The following PDZRN4 variants were observed in gnomAD, a reference collection of about 807,000 sequenced individuals.
PDZRN4 encodes PDZ domain-containing RING finger protein 4.
In PDZRN4, 70 loss-of-function variants were observed where a neutral mutation model predicts 99.0. The ratio of observed to expected loss-of-function variants is 0.71; its 90% CI spans 0.58 to 0.86. The LOEUF is 0.86. Among genes scored for constraint, PDZRN4 ranks in the 40% least tolerant of loss-of-function variants. The pLI is 0.00. For missense variants in PDZRN4, 1,474 were observed against 1,331.2 expected (o/e 1.11, Z -1.67); for synonymous variants, 551 against 501.6 (o/e 1.10, Z -1.32).
chr12:41,321,626 T>C (rs1455972226), intron 3 of PDZRN4, among the ~76,000 whole-genome samples: 1 of 152,232 alleles, frequency 6.6e-6, no homozygotes, highest in Non-Finnish European at 1.5e-5. Flanking sequence ...TTGTAGCATC[T>C]ACTCCTTTGC....
intron 3 of PDZRN4, among the ~76,000 whole-genome samples, chr12:41,504,904 T>G (rs1938178770): frequency 6.6e-6 from 1 of 152,180 alleles, no homozygotes; most frequent in Non-Finnish European, 1.5e-5. Flanking sequence ...GAGCAAGAAC[T>G]GAATTGGGAC....
At chr12:41,447,056 A>AG (rs1330696007) in intron 3 of PDZRN4, among the ~76,000 whole-genome samples, 2 of 152,042 alleles carry the variant, frequency 1.3e-5, no homozygotes, top group Non-Finnish European at 2.9e-5. Flanking sequence ...CACAAAAGTG[A>AG]AGGGGCTTAG....
chr12:41,257,838 G>A (rs1951213735), intron 3 of PDZRN4, among the ~76,000 whole-genome samples: 1 of 152,040 alleles, frequency 6.6e-6, no homozygotes, highest in South Asian at 2.1e-4. Flanking sequence ...GTCTTCCTAT[G>A]AGTGGGACAA....
intron 3 of PDZRN4, among the ~76,000 whole-genome samples, chr12:41,232,631 A>G (rs1337046328): frequency 5.4e-5 from 3 of 56,044 alleles, no homozygotes; most frequent in African/African-American, 1.7e-4. Flanking sequence ...TTGCCTGTTC[A>G]CTCTGATGGT....
At chr12:41,487,418 T>C (rs1937798373) in intron 3 of PDZRN4, among the ~76,000 whole-genome samples, 4 of 152,234 alleles carry the variant, frequency 2.6e-5, no homozygotes, top group African/African-American at 9.6e-5. Context: ...TCTAATTATA[T>C]GTAAATTATA....
At chr12:41,547,541 G>A (rs1270331238) in intron 5 of PDZRN4, among the ~76,000 whole-genome samples, 4 of 152,064 alleles carry the variant, frequency 2.6e-5, no homozygotes, top group Non-Finnish European at 4.4e-5. Context: ...CAGGAGACTC[G>A]CTTGAACCTG....
At chr12:41,520,340 A>G (rs919928543) in intron 5 of PDZRN4, among the ~76,000 whole-genome samples, 1 of 152,034 alleles carries the variant, frequency 6.6e-6, no homozygotes, top group Non-Finnish European at 1.5e-5. Context: ...ACCTTCTTCA[A>G]TATGGCTGAC....
chr12:41,367,469 A>G (rs1952009766), intron 3 of PDZRN4, among the ~76,000 whole-genome samples: 2 of 152,120 alleles, frequency 1.3e-5, no homozygotes, highest in South Asian at 2.1e-4. Context: ...AGATCGTACC[A>G]TTGCACTCCA....
At chr12:41,292,512 C>G (rs73122828) in intron 3 of PDZRN4, among the ~76,000 whole-genome samples, 1 of 151,994 alleles carries the variant, frequency 6.6e-6, no homozygotes, top group African/African-American at 2.4e-5. Flanking sequence ...TTGATTTGAT[C>G]CTTACATTTC....
At chr12:41,267,532 A>G (rs1951286468) in intron 3 of PDZRN4, among the ~76,000 whole-genome samples, 2 of 152,142 alleles carry the variant, frequency 1.3e-5, no homozygotes, top group South Asian at 2.1e-4. Flanking sequence ...GAGTTGCAAT[A>G]AAAGGAAGAA....
chr12:41,447,774 G>A (rs1952741436), intron 3 of PDZRN4, among the ~76,000 whole-genome samples: 1 of 151,962 alleles, frequency 6.6e-6, no homozygotes, highest in Admixed American at 6.6e-5. Context: ...CCTAATGTTA[G>A]AGTACATGTT....
intron 5 of PDZRN4, among the ~76,000 whole-genome samples, chr12:41,531,443 T>C (rs1938659899): frequency 6.6e-6 from 1 of 152,166 alleles, no homozygotes. Flanking sequence ...TGCACGTGTT[T>C]GTTATCTTCT....
intron 3 of PDZRN4, among the ~76,000 whole-genome samples, chr12:41,458,981 C>T (rs2120527958): frequency 6.6e-6 from 1 of 151,734 alleles, no homozygotes; most frequent in East Asian, 1.9e-4. Flanking sequence ...AAGGGCAGAT[C>T]TTTGGGAGTA....
In PDZRN4 at chr12:41,339,968, T is replaced by C. The variant is rs192769712; in HGVS notation, c.843+145780T>C. ...AAGAAAGAGGAACTTTTGTGCACTG[T>C]TGGTGGTTACACCATAAATTAGTAC... On this transcript the variant is annotated intron_variant, in intron 3 of 9. Coordinates refer to ENST00000402685, the MANE Select transcript of PDZRN4 (RefSeq NM_001164595.2). Among the ~76,000 whole-genome samples the C allele has an allele frequency of 1.3e-3, 201 of 152,198 alleles. 1 individual carries two copies. The highest frequency in any genetic ancestry group is 3.6e-3 in the Admixed American group (55 of 15,256).
rs141320961 is a variant in PDZRN4, at chr12:41,507,235, G to T, written c.1100+523G>T. 1.7e-3 allele frequency among the ~76,000 whole-genome samples: 261 copies of T among 152,146 alleles called. 2 individuals carry two copies. Among genetic ancestry groups the T allele is most frequent in the African/African-American group, 6.0e-3 (248 of 41,510 alleles). On this transcript the variant is annotated intron_variant, in intron 4 of 9. Transcript: ENST00000402685. ...CCCAATATATTGAGATATAAACAAA[G>T]GATCTTGGCTGTCAGAGAGTAAGTA...
chr12:41,397,158 T>C (rs1343248740), intron 3 of PDZRN4, among the ~76,000 whole-genome samples: 1 of 152,180 alleles, frequency 6.6e-6, no homozygotes. Flanking sequence ...ATTTCTAAAT[T>C]CTTTAAATTC....
At chr12:41,452,450 AAAG>A (rs1297767227) in intron 3 of PDZRN4, among the ~76,000 whole-genome samples, 1 of 37,782 alleles carries the variant, frequency 2.6e-5, no homozygotes, top group Non-Finnish European at 5.2e-5. Context: ...AAAAAAAAAA[AAAG>A]AAAGAAAGAA....
intron 3 of PDZRN4, among the ~76,000 whole-genome samples, chr12:41,322,008 C>A (rs1951681293): frequency 6.6e-6 from 1 of 151,936 alleles, no homozygotes; most frequent in Non-Finnish European, 1.5e-5. Flanking sequence ...TGGGCTGGTG[C>A]ACCAATGTTA....
At chr12:41,287,621 C>G (rs1173264071) in intron 3 of PDZRN4, among the ~76,000 whole-genome samples, 1 of 152,224 alleles carries the variant, frequency 6.6e-6, no homozygotes, top group Non-Finnish European at 1.5e-5. Flanking sequence ...TTAGGACCTT[C>G]TGCTCAGAGT....
Sources: allele counts gnomAD v4.1 joint callset (sites outside exome capture counted in the v4.1 genomes callset), GRCh38; gene constraint gnomAD v4.1.1; transcripts MANE v1.5; gene names NCBI Gene and HGNC (gene_info 2026-07-23, HGNC 2026-07-21).